ARL15: variants seen among roughly 807,000 people sequenced by gnomAD.
ARL15 encodes ADP-ribosylation factor-like protein 15.
In ARL15, 19 loss-of-function variants were observed where a neutral mutation model predicts 25.2. The observed-to-expected ratio is 0.75, with a 90% confidence interval of 0.53 to 1.10. ARL15 has a LOEUF of 1.10. Ranked by LOEUF, ARL15 falls within the 50% of genes least tolerant of loss-of-function variation. ARL15 has a pLI of 0.00. For synonymous variants in ARL15, 94 were observed against 86.8 expected, an observed-to-expected ratio of 1.08 and a Z score of -0.46; for missense variants, 220 against 246.0, an observed-to-expected ratio of 0.89 and a Z score of 0.71.
intron 4 of ARL15, among the ~76,000 whole-genome samples, chr5:53,953,281 A>G (rs1242667448): frequency 6.6e-6 from 1 of 152,120 alleles, no homozygotes; most frequent in Non-Finnish European, 1.5e-5. Flanking sequence ...GATTCTACCT[A>G]CCTCTGAAGA....
intron 4 of ARL15, among the ~76,000 whole-genome samples, chr5:54,092,668 A>G (rs1752165972): frequency 6.6e-6 from 1 of 152,072 alleles, no homozygotes; most frequent in African/African-American, 2.4e-5. Flanking sequence ...GTCTTCTCCT[A>G]TCCTCTAGTC....
chr5:54,039,864 T>C (rs1750283734), intron 4 of ARL15, among the ~76,000 whole-genome samples: 1 of 130,926 alleles, frequency 7.6e-6, no homozygotes, highest in Non-Finnish European at 1.6e-5. Flanking sequence ...TAGAAATGGA[T>C]AGAAATTTAT....
intron 1 of ARL15, among the ~76,000 whole-genome samples, chr5:54,258,809 G>T (rs542048472): frequency 7.2e-5 from 11 of 152,322 alleles, no homozygotes; most frequent in African/African-American, 2.4e-4. Context: ...CAGGCCCAAA[G>T]CACCCACCCT....
intron 4 of ARL15, among the ~76,000 whole-genome samples, chr5:53,919,669 A>T (rs537960143): frequency 2.4e-5 from 1 of 41,156 alleles, no homozygotes; most frequent in Admixed American, 1.9e-4. Context: ...GTCTATTTCT[A>T]CTGAATGGCA....
chr5:54,173,726 G>C (rs1308258022), intron 1 of ARL15, among the ~76,000 whole-genome samples: 2 of 152,062 alleles, frequency 1.3e-5, no homozygotes, highest in African/African-American at 4.8e-5. Flanking sequence ...CTTATAAAGA[G>C]AAAATCTGAC....
chr5:54,300,898 G>C (rs910327972), intron 1 of ARL15, among the ~76,000 whole-genome samples: 4 of 152,184 alleles, frequency 2.6e-5, no homozygotes, highest in Admixed American at 2.6e-4. Flanking sequence ...GGGCTCTGCA[G>C]CTTCATTTCT....
chr5:54,248,114 ACCT>A (rs1411083298), intron 1 of ARL15, among the ~76,000 whole-genome samples: 3 of 152,138 alleles, frequency 2.0e-5, no homozygotes, highest in African/African-American at 7.2e-5. Context: ...GCTTCTAGTA[ACCT>A]GCTATGAACT....
intron 4 of ARL15, among the ~76,000 whole-genome samples, chr5:53,987,691 C>A (rs1053468732): frequency 6.6e-6 from 1 of 152,140 alleles, no homozygotes; most frequent in Non-Finnish European, 1.5e-5. Flanking sequence ...TGGTTCACAC[C>A]TGTAATCCCA....
chr5:54,138,387 C>T (rs1245790821), intron 3 of ARL15, among the ~76,000 whole-genome samples: 1 of 152,138 alleles, frequency 6.6e-6, no homozygotes, highest in African/African-American at 2.4e-5. Context: ...AACCAACTGA[C>T]CTTTGGCAAA....
chr5:54,288,932 C>G (rs1248640385), intron 1 of ARL15, among the ~76,000 whole-genome samples: 2 of 152,162 alleles, frequency 1.3e-5, no homozygotes, highest in Non-Finnish European at 2.9e-5. Context: ...ATGAGACTTG[C>G]AAGAGCACAC....
At chr5:54,092,487 T>C (rs1752161308) in intron 4 of ARL15, among the ~76,000 whole-genome samples, 1 of 152,056 alleles carries the variant, frequency 6.6e-6, no homozygotes, top group Admixed American at 6.5e-5. Flanking sequence ...AAATAAAAAA[T>C]AGAGATTTTC....
At chr5:54,299,054 C>T (rs1049069560) in intron 1 of ARL15, among the ~76,000 whole-genome samples, 1 of 152,040 alleles carries the variant, frequency 6.6e-6, no homozygotes, top group Non-Finnish European at 1.5e-5. Flanking sequence ...CCGGTGCATG[C>T]CACCATGCTT....
intron 4 of ARL15, among the ~76,000 whole-genome samples, chr5:53,965,177 T>G (rs1747508055): frequency 6.6e-6 from 1 of 152,238 alleles, no homozygotes; most frequent in Admixed American, 6.5e-5. Flanking sequence ...GCCAGAAGCA[T>G]TCTTTCTTCC....
At chr5:54,000,876 G>T (rs1748830636) in intron 4 of ARL15, among the ~76,000 whole-genome samples, 2 of 152,136 alleles carry the variant, frequency 1.3e-5, no homozygotes, top group African/African-American at 4.8e-5. Context: ...ACCCAGGGCT[G>T]GCCTCATGAG....
At position 54,117,123 on chromosome 5, in the gene ARL15, A is replaced by G. The variant is rs190315017; in HGVS notation, c.254-3713T>C. Among the ~76,000 whole-genome samples, 7 of 152,352 alleles carry G rather than the reference A, an allele frequency of 4.6e-5. No homozygotes were observed. The East Asian group carries it at 1.2e-3, about 25-fold the overall frequency. On this transcript the variant is annotated intron_variant, in intron 3 of 4. Coordinates refer to ENST00000504924, the MANE Select transcript of ARL15 (RefSeq NM_019087.3). ...CTTAACTGAAACCATCAAATCCTGT[A>G]AAGTAATACAAATTACAATGAGGCC...
chr5:53,888,502 T>G (rs1398288945), intron 4 of ARL15, among the ~76,000 whole-genome samples: 5 of 152,154 alleles, frequency 3.3e-5, no homozygotes, highest in Admixed American at 3.3e-4. Flanking sequence ...TAGGGTGGTC[T>G]TGAACTCCTA....
At chr5:54,275,442 G>C (rs1757903015) in intron 1 of ARL15, among the ~76,000 whole-genome samples, 2 of 152,140 alleles carry the variant, frequency 1.3e-5, no homozygotes, top group African/African-American at 2.4e-5. Context: ...GAGGGCAAGT[G>C]ATGTCTGTGA....
intron 1 of ARL15, among the ~76,000 whole-genome samples, chr5:54,211,957 G>A (rs537071627): frequency 1.3e-5 from 2 of 152,270 alleles, no homozygotes; most frequent in African/African-American, 2.4e-5. Context: ...ATTTGTTTAA[G>A]GATCTTGGTT....
At chr5:53,938,779 G>C (rs1746436070) in intron 4 of ARL15, among the ~76,000 whole-genome samples, 1 of 152,174 alleles carries the variant, frequency 6.6e-6, no homozygotes, top group African/African-American at 2.4e-5. Flanking sequence ...GGGAGGTAGA[G>C]GTTGCAGTGA....
Sources: allele counts gnomAD v4.1 joint callset (sites outside exome capture counted in the v4.1 genomes callset), GRCh38; gene constraint gnomAD v4.1.1; transcripts MANE v1.5; gene names NCBI Gene and HGNC (gene_info 2026-07-23, HGNC 2026-07-21).